Variants in SLC13A5 observed in about 807,000 individuals in gnomAD.
SLC13A5 encodes solute carrier family 13 member 5, also known as Na(+)/citrate cotransporter.
SLC13A5 carries 25 observed loss-of-function variants against 56.5 expected under a neutral mutation model. The observed-to-expected ratio is 0.44, with a 90% CI of 0.32 to 0.62. SLC13A5 has a LOEUF of 0.62. SLC13A5 is among the 20% of genes least tolerant of loss of function. The pLI is 0.04. For missense variants in SLC13A5, 649 were observed against 737.8 expected (o/e 0.88, Z 1.39); for synonymous variants, 307 against 301.5 (o/e 1.02, Z -0.19).
At chr17:6,690,450 A>C (rs2150964436) in intron 10 of SLC13A5, among the ~76,000 whole-genome samples, 1 of 152,342 alleles carries the variant, frequency 6.6e-6, no homozygotes, top group Middle Eastern at 3.4e-3. Flanking sequence ...ACATGCTCAG[A>C]GACCACGGCA....
chr17:6,707,182 G>T (rs1372129070), intron 1 of SLC13A5, 26 bp from the exon 2 acceptor site: 3 of 1,611,764 alleles, frequency 1.9e-6, no homozygotes, highest in Non-Finnish European at 2.5e-6. Flanking sequence ...TGAGGCCTCA[G>T]CGTGTTGCCG....
Position 6,701,902 on chromosome 17 carries a change from C to T in SLC13A5, c.717-776G>A, listed in dbSNP as rs1456394408. On this transcript the variant is annotated intron_variant, in intron 5 of 11. Transcript: ENST00000433363. The surrounding 1 kb of genome is among the most constrained non-coding windows in gnomAD (Gnocchi z 4.1). ...GGAGGGTCACTTCCACCACAGGCCC[C>T]GCCTCCCATCCCCGGGGCTCTGCTA... is the stretch of plus-strand genomic sequence containing the variant. Among the ~76,000 whole-genome samples, 1 of 152,126 alleles carries T rather than the reference C, an allele frequency of 6.6e-6. No individual in the cohort carries two copies. Among genetic ancestry groups the T allele is most frequent in the East Asian group, 1.9e-4 (1 of 5,170 alleles).
At chr17:6,712,806 GAA>G in intron 1 of SLC13A5, among the ~76,000 whole-genome samples, 1 of 152,336 alleles carries the variant, frequency 6.6e-6, no homozygotes, top group South Asian at 2.1e-4. Context: ...TTGGCGAAGG[GAA>G]AAGACAGGAG....
chr17:6,686,087 G>C lies in SLC13A5; in HGVS notation c.*120C>G. ...GTGGCCCATTGGCTGGGTTTTGGTGGTGTGTGGACATCGTTGGGTCATTTT... is the reference window on the plus strand; with the variant it reads ...GTGGCCCATTGGCTGGGTTTTGGTGCTGTGTGGACATCGTTGGGTCATTTT... On this transcript the variant is annotated 3_prime_UTR_variant, in exon 12 of 12. Coordinates refer to ENST00000433363, the MANE Select transcript of SLC13A5 (RefSeq NM_177550.5). 7.0e-7 allele frequency: 1 copy of C among 1,434,352 alleles called. No homozygotes were observed. Among genetic ancestry groups the C allele is most frequent in the Non-Finnish European group, 9.5e-7 (1 of 1,049,842 alleles). 88.9% of individuals were successfully genotyped at this position (1,434,352 alleles called of 1,614,324 possible).
chr17:6,706,632 G>C lies in SLC13A5; in HGVS notation c.368+10C>G, dbSNP rs1597676481. On this transcript the variant is annotated intron_variant, in intron 3 of 11. Transcript: ENST00000433363. ...AGAGCCACGTGGCAAGAGAGAGAAGGCGTAATTACCGTGCAGGCTTGGCCC... is the reference window on the plus strand; with the variant it reads ...AGAGCCACGTGGCAAGAGAGAGAAGCCGTAATTACCGTGCAGGCTTGGCCC... The C allele has an allele frequency of 6.2e-7, 1 of 1,612,754 alleles. No individual in the cohort carries two copies. Among genetic ancestry groups the C allele is most frequent in the Non-Finnish European group, 8.5e-7 (1 of 1,179,502 alleles).
At position 6,686,144 on chromosome 17, in the gene SLC13A5, G is replaced by A; in HGVS notation, c.*63C>T. The stretch of plus-strand genomic sequence containing the variant: ...TGAACCCCAAAACTCTGTACAAGGT[G>A]TGCCAGAAGGTTCGGTAGTCCTGAG... On this transcript the variant is annotated 3_prime_UTR_variant, in exon 12 of 12. Transcript: ENST00000433363. The A allele has an allele frequency of 6.2e-7, 1 of 1,607,596 alleles. No homozygotes were observed. The highest frequency in any genetic ancestry group is 8.5e-7 in the Non-Finnish European group (1 of 1,175,976).
At chr17:6,703,174 A>T in intron 4 of SLC13A5, 36 bp from the exon 5 acceptor site, 1 of 1,611,100 alleles carries the variant, frequency 6.2e-7, no homozygotes, top group Non-Finnish European at 8.5e-7. Flanking sequence ...TGAGCCAGTC[A>T]TGGGGGCTGC....
intron 1 of SLC13A5, among the ~76,000 whole-genome samples, chr17:6,710,383 C>G (rs1434373461): frequency 6.6e-6 from 1 of 152,224 alleles, no homozygotes; most frequent in Non-Finnish European, 1.5e-5. Context: ...ATGTCTTCAT[C>G]TGCAAATCGT....
intron 1 of SLC13A5, among the ~76,000 whole-genome samples, chr17:6,712,537 G>C (rs760094322): frequency 6.6e-5 from 10 of 152,242 alleles, no homozygotes; most frequent in Non-Finnish European, 1.5e-4. Context: ...CGAGCTCTGG[G>C]AATGTGTCCC....
chr17:6,706,834 A>G (rs1441459572), intron 2 of SLC13A5, 56 bp from the exon 3 acceptor site: 1 of 1,601,436 alleles, frequency 6.2e-7, no homozygotes, highest in African/African-American at 1.3e-5. Flanking sequence ...CACTAGAGCC[A>G]CCCAGTCCCC....
intron 10 of SLC13A5, 73 bp downstream of exon 10, chr17:6,690,706 C>T (rs1354623910): frequency 2.5e-6 from 4 of 1,600,704 alleles, no homozygotes; most frequent in African/African-American, 1.3e-5. Flanking sequence ...ATTGCTGCCT[C>T]GTCAGGGACC....
intron 10 of SLC13A5, chr17:6,689,362 A>G (rs1267915834): frequency 6.6e-6 from 1 of 152,218 alleles, no homozygotes; most frequent in Admixed American, 6.5e-5. Context: ...CTCAATGACC[A>G]TCACCTTTTC....
At position 6,687,537 on chromosome 17, in the gene SLC13A5, C is replaced by T; in HGVS notation, c.1567G>A (p.Ala523Thr). 6.2e-7 allele frequency: 1 copy of T among 1,613,604 alleles called. No homozygotes were observed. The highest frequency in any genetic ancestry group is 8.5e-7 in the Non-Finnish European group (1 of 1,179,862). ...IVFTYGHLKVADMVKTGVIMN... is the reference protein window; with the variant it reads ...IVFTYGHLKVTDMVKTGVIMN... Reference sequence around the variant, plus strand: ...AAAAACAGCTGTGTTACCATGTCAGCAACCTTGAGGTGCCCATAGGTGAAC... The same window carrying T: ...AAAAACAGCTGTGTTACCATGTCAGTAACCTTGAGGTGCCCATAGGTGAAC... The change falls in exon 11 of 12, where the codon GCT (alanine) becomes ACT (threonine). Residue 523 changes from alanine to threonine, a missense_variant. Ala to Thr is a moderately conservative substitution (Grantham distance 58, BLOSUM62 0). Coordinates refer to ENST00000433363, the MANE Select transcript of SLC13A5 (RefSeq NM_177550.5). This position sits in a 1 kb window ranked among gnomAD's most constrained non-coding sequence, Gnocchi z 5.0.
In SLC13A5 at chr17:6,686,016, C is replaced by G. The variant is rs974980752; in HGVS notation, c.*191G>C. The G allele has an allele frequency of 7.8e-6, 6 of 770,164 alleles. No homozygotes were observed. Among genetic ancestry groups the G allele is most frequent in the Non-Finnish European group, 1.3e-5 (6 of 474,664 alleles). 47.7% of individuals were successfully genotyped at this position (770,164 alleles called of 1,614,324 possible). A position where few individuals can be genotyped will look rare whatever the true frequency, so the allele number is the denominator to read the frequency against. ...GGTTCCCTTCATTTCTGAGCCTACC[C>G]TCCAGCTGCCCATGACCATCTCTGC... On this transcript the variant is annotated 3_prime_UTR_variant, in exon 12 of 12. Transcript: ENST00000433363.
rs1019031218 is a variant in SLC13A5, at chr17:6,701,224, G to A, written c.717-98C>T. The stretch of plus-strand genomic sequence containing the variant: ...GAGCAGCAGCTGGGCCCTGAGAGGC[G>A]CGCCTGTGTGGAGGCCACATCCTCC... On this transcript the variant is annotated intron_variant, in intron 5 of 11. Transcript: ENST00000433363. The surrounding 1 kb of genome is among the most constrained non-coding windows in gnomAD (Gnocchi z 4.1). 82 of 1,523,434 alleles carry A rather than the reference G, an allele frequency of 5.4e-5. No homozygotes were observed. The highest frequency in any genetic ancestry group is 4.1e-4 in the Admixed American group (21 of 51,384). The allele number at this position is 1,523,434 out of a possible 1,614,324, so 94.4% of individuals were successfully genotyped here. A position where few individuals can be genotyped will look rare whatever the true frequency, so the allele number is the denominator to read the frequency against.
At position 6,713,350 on chromosome 17, in the gene SLC13A5, T is replaced by C. The variant is rs62061545; in HGVS notation, c.-17A>G. ...CGAGGCCATCGCGCGGGAGGGAGAC[T>C]GGCGGGCGAGACGAGTGAGGGGCAG... is the stretch of plus-strand genomic sequence containing the variant. On this transcript the variant is annotated 5_prime_UTR_variant, in exon 1 of 12. Transcript: ENST00000433363. This position sits in a 1 kb window ranked among gnomAD's most constrained non-coding sequence, Gnocchi z 7.3. 1.2e-6 allele frequency: 2 copies of C among 1,611,436 alleles called. No individual in the cohort carries two copies. The highest frequency in any genetic ancestry group is 1.7e-5 in the Admixed American group (1 of 59,936).
intron 3 of SLC13A5, chr17:6,704,293 T>C (rs919521231): frequency 1.4e-5 from 9 of 661,740 alleles, no homozygotes; most frequent in African/African-American, 1.2e-4. Context: ...ATGACTGATG[T>C]CTACTCTGCT....
At chr17:6,702,249 C>T (rs1176505491) in intron 5 of SLC13A5, among the ~76,000 whole-genome samples, 1 of 152,158 alleles carries the variant, frequency 6.6e-6, no homozygotes, top group Admixed American at 6.5e-5. Context: ...TCAATTAGTA[C>T]ATTTATGTAC....
intron 1 of SLC13A5, among the ~76,000 whole-genome samples, chr17:6,708,993 C>CTT (rs575087645): frequency 0.038 from 5,111 of 132,984 alleles, 174 homozygotes; most frequent in Non-Finnish European, 0.06. Context: ...TCTTTTATTT[C>CTT]TTTTTTTTTT....
Sources: gnomAD v4.1 joint callset for allele counts (sites outside exome capture counted in the v4.1 genomes callset) on GRCh38, gnomAD v4.1.1 for gene constraint, Gnocchi (gnomAD v3.1) non-coding constraint, MANE v1.5 for transcripts, NCBI Gene and HGNC (gene_info 2026-07-23, HGNC 2026-07-21) for gene names.